GNB4: variants seen among roughly 807,000 people sequenced by gnomAD.
The protein encoded by GNB4 is G protein subunit beta 4.
GNB4 carries 28 observed loss-of-function variants against 45.2 expected under a neutral mutation model. The ratio of observed to expected loss-of-function variants is 0.62; its 90% CI spans 0.46 to 0.85. The LOEUF is 0.85. Ranked by LOEUF, GNB4 falls within the 40% of genes least tolerant of loss-of-function variation. The pLI, the probability that GNB4 is intolerant of heterozygous loss-of-function variation, is 0.00. For missense variants in GNB4, 321 were observed against 425.4 expected, an observed-to-expected ratio of 0.75 and a Z score of 2.16; for synonymous variants, 132 against 143.7, an observed-to-expected ratio of 0.92 and a Z score of 0.58.
intron 9 of GNB4, among the ~76,000 whole-genome samples, chr3:179,401,585 CTTA>C (rs1714304534): frequency 6.6e-6 from 1 of 152,064 alleles, no homozygotes; most frequent in Non-Finnish European, 1.5e-5. Flanking sequence ...GAAAAATCAT[CTTA>C]TAATTCAACT....
At chr3:179,473,776 A>G in the GNB4 span, among the ~76,000 whole-genome samples, 2 of 152,210 alleles carry the variant, frequency 1.3e-5, no homozygotes, top group African/African-American at 4.8e-5. Context: ...AGCCTGTTAT[A>G]TAAGTTCTAC....
chr3:179,493,807 T>A, the GNB4 span, among the ~76,000 whole-genome samples: 1 of 152,162 alleles, frequency 6.6e-6, no homozygotes, highest in South Asian at 2.1e-4. Context: ...GAGATAAAAA[T>A]GGAGTTTCTT....
chr3:179,505,027 A>C, the GNB4 span, among the ~76,000 whole-genome samples: 2 of 152,234 alleles, frequency 1.3e-5, no homozygotes, highest in African/African-American at 4.8e-5. Flanking sequence ...TACCAAAAGA[A>C]TAGTGTGTCC....
At chr3:179,508,932 G>GTATATATATATA in the GNB4 span, among the ~76,000 whole-genome samples, 2,960 of 101,976 alleles carry the variant, frequency 0.029, 114 homozygotes, top group South Asian at 0.041. Context: ...TTCAGCATGT[G>GTATATATATATA]TATATATATA....
the GNB4 span, among the ~76,000 whole-genome samples, chr3:179,515,731 A>G: frequency 6.6e-6 from 1 of 151,952 alleles, no homozygotes; most frequent in African/African-American, 2.4e-5. Context: ...ATAACGTAAA[A>G]TAGTGTTGAA....
intron 9 of GNB4, among the ~76,000 whole-genome samples, 153 bp downstream of exon 9, chr3:179,405,037 A>G (rs1714422168): frequency 6.6e-6 from 1 of 152,226 alleles, no homozygotes; most frequent in Non-Finnish European, 1.5e-5. Flanking sequence ...GATTATAACC[A>G]CAAACAAAAG....
chr3:179,402,944 T>C (rs1295624441), intron 9 of GNB4, among the ~76,000 whole-genome samples: 1 of 152,210 alleles, frequency 6.6e-6, no homozygotes. Context: ...GTCTCCTGAC[T>C]GGAAGAAAAC....
chr3:179,516,485 G>T, the GNB4 span, among the ~76,000 whole-genome samples: 1 of 152,146 alleles, frequency 6.6e-6, no homozygotes, highest in Non-Finnish European at 1.5e-5. Flanking sequence ...AGTCCTGGGT[G>T]GGGGCAAATC....
chr3:179,466,592 G>A, the GNB4 span, among the ~76,000 whole-genome samples: 1 of 152,180 alleles, frequency 6.6e-6, no homozygotes, highest in Non-Finnish European at 1.5e-5. Flanking sequence ...TATAGCTCAT[G>A]TCTATAAGTC....
rs146010974 is a variant in GNB4, at chr3:179,411,985, C to T, written c.699+1427G>A. Among the ~76,000 whole-genome samples, 533 of 152,094 alleles carry T rather than the reference C, an allele frequency of 3.5e-3. 7 individuals carry two copies. Among genetic ancestry groups the T allele is most frequent in the African/African-American group, 0.012 (507 of 41,456 alleles). On this transcript the variant is annotated intron_variant, in intron 8 of 9. Transcript: ENST00000232564. ...GCAGTATCCTACCTTCTTTTAACAC[C>T]CCTCCCCCTCAATTCTGACCATTTG...
the GNB4 span, among the ~76,000 whole-genome samples, chr3:179,523,918 G>A: frequency 6.6e-6 from 1 of 152,108 alleles, no homozygotes; most frequent in Non-Finnish European, 1.5e-5. Flanking sequence ...AAGGGAGCTG[G>A]GCAGGTGGGG....
At chr3:179,516,899 A>T in the GNB4 span, among the ~76,000 whole-genome samples, 1 of 152,178 alleles carries the variant, frequency 6.6e-6, no homozygotes. Flanking sequence ...GAGTGATGGG[A>T]TCTGATGCCT....
At chr3:179,511,234 A>G in the GNB4 span, among the ~76,000 whole-genome samples, 1 of 152,224 alleles carries the variant, frequency 6.6e-6, no homozygotes, top group East Asian at 1.9e-4. Flanking sequence ...ACGGCTCCCC[A>G]TTGCCATTTT....
At chr3:179,423,997 G>A (rs1486677563) in intron 2 of GNB4, among the ~76,000 whole-genome samples, 2 of 152,136 alleles carry the variant, frequency 1.3e-5, no homozygotes, top group African/African-American at 4.8e-5. Flanking sequence ...AAGGAGATGA[G>A]AAAGAGTAAT....
chr3:179,407,524 A>C (rs1454616946), intron 8 of GNB4, among the ~76,000 whole-genome samples: 3 of 152,180 alleles, frequency 2.0e-5, no homozygotes, highest in Non-Finnish European at 4.4e-5. Flanking sequence ...CCTTACTACC[A>C]TCTTACTATG....
chr3:179,481,086 C>T, the GNB4 span, among the ~76,000 whole-genome samples: 3 of 151,822 alleles, frequency 2.0e-5, no homozygotes, highest in Non-Finnish European at 4.4e-5. Context: ...CTCCTGACCT[C>T]GTGATCCGCC....
intron 1 of GNB4, among the ~76,000 whole-genome samples, chr3:179,447,185 A>G (rs1432439542): frequency 1.3e-5 from 2 of 152,046 alleles, no homozygotes; most frequent in Non-Finnish European, 1.5e-5. Context: ...AAAGCATTAC[A>G]GGCAGAACAG....
At chr3:179,485,467 TC>T in the GNB4 span, among the ~76,000 whole-genome samples, 1 of 152,170 alleles carries the variant, frequency 6.6e-6, no homozygotes, top group South Asian at 2.1e-4. Flanking sequence ...TTTGCCTATT[TC>T]CATTTGGGTA....
chr3:179,418,738 AAAGGAAC>A, intron 4 of GNB4, among the ~76,000 whole-genome samples: 1 of 152,242 alleles, frequency 6.6e-6, no homozygotes, highest in African/African-American at 2.4e-5. Context: ...TAACCAAATC[AAAGGAAC>A]AAGTAAACCA....
Sources: gnomAD v4.1 joint callset for allele counts (sites outside exome capture counted in the v4.1 genomes callset) on GRCh38, gnomAD v4.1.1 for gene constraint, MANE v1.5 for transcripts, NCBI Gene and HGNC (gene_info 2026-07-23, HGNC 2026-07-21) for gene names.